ZNF3: variants seen among roughly 807,000 people sequenced by gnomAD.
ZNF3 encodes C2-H2 type zinc finger protein.
In ZNF3, 16 loss-of-function variants were observed where a neutral mutation model predicts 36.9. The ratio of observed to expected loss-of-function variants is 0.43; its 90% CI spans 0.29 to 0.66. The LOEUF is 0.66. Ranked by LOEUF, ZNF3 falls within the 30% of genes least tolerant of loss-of-function variation. The pLI, the probability that ZNF3 is intolerant of heterozygous loss-of-function variation, is 0.13. For synonymous variants in ZNF3, 201 were observed against 201.9 expected, an observed-to-expected ratio of 1.00 and a Z score of 0.04; for missense variants, 462 against 543.1, an observed-to-expected ratio of 0.85 and a Z score of 1.48.
downstream of ZNF3, among the ~76,000 whole-genome samples, chr7:100,067,200 C>T (rs1158518595): frequency 1.3e-5 from 2 of 152,170 alleles, no homozygotes; most frequent in Non-Finnish European, 2.9e-5. Flanking sequence ...TACTATTAAC[C>T]CTGCTGAGGC....
At chr7:100,079,988 C>A (rs959595186) in intron 1 of ZNF3, among the ~76,000 whole-genome samples, 2 of 152,052 alleles carry the variant, frequency 1.3e-5, no homozygotes, top group African/African-American at 4.8e-5. Context: ...CAGGCATGAG[C>A]CACCGAGTCC....
chr7:100,082,045 G>T (rs906849704), upstream of ZNF3, among the ~76,000 whole-genome samples: 4 of 152,182 alleles, frequency 2.6e-5, no homozygotes, highest in African/African-American at 9.6e-5. Context: ...GGGCGCGCGG[G>T]GATGTCGAGC....
At chr7:100,064,181 T>C (rs2116177683) in exon 6 of ZNF3, 1 of 1,613,950 alleles carries the variant, frequency 6.2e-7, no homozygotes, top group East Asian at 2.2e-5. Flanking sequence ...ACACACTTGG[T>C]GGACCGGCCC....
intron 1 of ZNF3, among the ~76,000 whole-genome samples, chr7:100,079,908 G>T (rs980121783): frequency 1.3e-5 from 2 of 152,006 alleles, no homozygotes; most frequent in Non-Finnish European, 2.9e-5. Flanking sequence ...TCACTGTGTT[G>T]CTCAGGCTGG....
exon 6 of ZNF3, chr7:100,064,706 C>T (rs1047731436): frequency 2.2e-5 from 35 of 1,607,172 alleles, no homozygotes; most frequent in Non-Finnish European, 2.5e-5. Flanking sequence ...GCATCGATTC[C>T]GGTGATAGAG....
In ZNF3 at chr7:100,071,410, G is replaced by T. The variant is rs761078421; in HGVS notation, c.1074C>A (p.His358Gln). The change falls in exon 6 of 6, where the codon CAC becomes CAA. Residue 358 changes from histidine to glutamine, a missense_variant. His to Gln is a conservative substitution (Grantham distance 24). Transcript: ENST00000299667. ...GCTTCTCTCCAGTGTGGATTCTCTG[G>T]TGCTGATAGAGGTGTGAGCTCTGGC... ...AFSQSSHLYQ[H>Q]QRIHTGEKPY... 6.2e-7 allele frequency: 1 copy of T among 1,613,686 alleles called. No homozygotes were observed. The highest frequency in any genetic ancestry group is 8.5e-7 in the Non-Finnish European group (1 of 1,179,910).
chr7:100,082,276 T>A (rs956662811), upstream of ZNF3: 1 of 152,184 alleles, frequency 6.6e-6, no homozygotes, highest in East Asian at 1.9e-4. Flanking sequence ...GTACAGGTGA[T>A]GAGAGCAGAG....
exon 6 of ZNF3, chr7:100,064,514 G>A (rs759006406): frequency 1.9e-6 from 3 of 1,614,088 alleles, no homozygotes; most frequent in Admixed American, 3.3e-5. Flanking sequence ...ATCCACACCG[G>A]GGAAAAGCCC....
At chr7:100,074,246 T>C (rs960195447) in intron 5 of ZNF3, among the ~76,000 whole-genome samples, 41 of 152,240 alleles carry the variant, frequency 2.7e-4, no homozygotes, top group African/African-American at 9.9e-4. Flanking sequence ...GCACAAGACA[T>C]TGAGACCGCT....
At position 100,071,048 on chromosome 7, in the gene ZNF3, T is replaced by C. The variant is rs1793048224; in HGVS notation, c.*95A>G. Reference sequence around the variant, plus strand: ...CATTCTCTAAAATGAAAAGTCTGAGTTGAAAGGGACACATCCTAAGCTGTT... The same window carrying C: ...CATTCTCTAAAATGAAAAGTCTGAGCTGAAAGGGACACATCCTAAGCTGTT... On this transcript the variant is annotated 3_prime_UTR_variant, in exon 6 of 6. Coordinates refer to ENST00000299667, the MANE Select transcript of ZNF3 (RefSeq NM_032924.5). The C allele has an allele frequency of 4.7e-6, 7 of 1,498,500 alleles. No individual in the cohort carries two copies. The South Asian group carries it at 7.1e-5, about 15-fold the overall frequency. The allele number at this position is 1,498,500 out of a possible 1,614,324, so 92.8% of individuals were successfully genotyped here.
intron 5 of ZNF3, among the ~76,000 whole-genome samples, chr7:100,072,937 A>G (rs1402562005): frequency 6.6e-6 from 1 of 152,194 alleles, no homozygotes; most frequent in Non-Finnish European, 1.5e-5. Context: ...AGCTTAATTG[A>G]TATTTTAAAA....
At chr7:100,065,025 T>G (rs1040438996), downstream of ZNF3, 2 of 1,349,802 alleles carry the variant, frequency 1.5e-6, no homozygotes, top group South Asian at 1.4e-5. Context: ...CAGAATAAAC[T>G]TATAACATCT....
intron 3 of ZNF3, among the ~76,000 whole-genome samples, chr7:100,076,265 T>C (rs931046296): frequency 3.3e-5 from 5 of 152,112 alleles, no homozygotes; most frequent in African/African-American, 9.7e-5. Flanking sequence ...TGTTTCTGTG[T>C]TGAATCTCTT....
chr7:100,066,983 C>T (rs1314324237), downstream of ZNF3, among the ~76,000 whole-genome samples: 3 of 152,046 alleles, frequency 2.0e-5, no homozygotes, highest in African/African-American at 4.8e-5. Flanking sequence ...TGCAGTGAGC[C>T]GAGATTATGC....
chr7:100,070,158 G>GTT lies in ZNF3; in HGVS notation c.*983_*984dup. 1 of 966,974 alleles carries GTT rather than the reference G, an allele frequency of 1.0e-6. No individual in the cohort carries two copies. The highest frequency in any genetic ancestry group is 1.2e-6 in the Non-Finnish European group (1 of 823,350). The allele number at this position is 966,974 out of a possible 1,614,324, so 59.9% of individuals were successfully genotyped here. On this transcript the variant is annotated 3_prime_UTR_variant, in exon 6 of 6. Transcript: ENST00000299667. ...TGCCTTCTCTGGGCTTCGTTTTTTT[G>GTT]TTTTTTTGTTTTTTTTTTCTCCCTT...
exon 6 of ZNF3, chr7:100,064,163 A>G: frequency 6.2e-7 from 1 of 1,614,176 alleles, no homozygotes; most frequent in Non-Finnish European, 8.5e-7. Flanking sequence ...CTCACCCTCC[A>G]CTACAGAACA....
chr7:100,075,491 G>A lies in ZNF3; in HGVS notation c.144+51C>T, dbSNP rs768283057. The stretch of plus-strand genomic sequence containing the variant: ...CAGGGTTTAAAGCTCTGAATGGGAT[G>A]TCATTGCACAGAAAATGGAAAGGAA... On this transcript the variant is annotated intron_variant, in intron 4 of 5. Coordinates refer to ENST00000299667, the MANE Select transcript of ZNF3 (RefSeq NM_032924.5). 5 of 1,601,886 alleles carry A rather than the reference G, an allele frequency of 3.1e-6. No homozygotes were observed. In the Admixed American group the frequency reaches 8.4e-5, roughly 27 times the overall value.
In ZNF3 at chr7:100,071,203, G is replaced by A. The variant is rs373443902; in HGVS notation, c.1281C>T (p.Ile427=). ...CTCTGAGGGAGCTTTTGCTCATGCCGATCCCATTCAAAGGCTTCTCTCCAG... is the reference window on the plus strand; with the variant it reads ...CTCTGAGGGAGCTTTTGCTCATGCCAATCCCATTCAAAGGCTTCTCTCCAG... ...IHTGEKPLNG[I]GMSKSSLRVT... is the part of the protein sequence containing the mutation. The change falls in exon 6 of 6, where the codon ATC becomes ATT. Residue 427 remains isoleucine, a synonymous_variant. Transcript: ENST00000299667. 20 of 1,613,676 alleles carry A rather than the reference G, an allele frequency of 1.2e-5. No individual in the cohort carries two copies. Among genetic ancestry groups the A allele is most frequent in the African/African-American group, 9.3e-5 (7 of 75,052 alleles).
downstream of ZNF3, among the ~76,000 whole-genome samples, chr7:100,069,018 G>C (rs4308665): frequency 0.27 from 41,256 of 151,342 alleles, 6,517 homozygotes; most frequent in Middle Eastern, 0.49. Flanking sequence ...TTAGGAGAGA[G>C]AGCATTTCAC....
Sources: allele counts gnomAD v4.1 joint callset (sites outside exome capture counted in the v4.1 genomes callset), GRCh38; gene constraint gnomAD v4.1.1; transcripts MANE v1.5; gene names NCBI Gene and HGNC (gene_info 2026-07-23, HGNC 2026-07-21).